Variants in SPTSSB observed in about 807,000 individuals in gnomAD.
SPTSSB encodes the protein serine palmitoyltransferase small subunit B.
Under a neutral mutation model 7.7 loss-of-function variants are expected in SPTSSB, and 6 were observed. The ratio of observed to expected loss-of-function variants is 0.78; its 90% CI spans 0.43 to 1.54. The LOEUF (loss-of-function observed/expected upper bound fraction) is 1.54. Ranked by LOEUF, SPTSSB falls within the 40% of genes most tolerant of loss-of-function variation. SPTSSB has a pLI of 0.01. For synonymous variants in SPTSSB, 28 were observed against 29.7 expected (o/e 0.94, Z 0.19); for missense variants, 91 against 93.0 (o/e 0.98, Z 0.09).
intron 2 of SPTSSB, among the ~76,000 whole-genome samples, chr3:161,355,644 C>A (rs1714738733): frequency 6.6e-6 from 1 of 152,116 alleles, no homozygotes; most frequent in South Asian, 2.1e-4. Context: ...TAGTCAAACC[C>A]TAGAAACAGA....
chr3:161,359,974 A>C (rs1714940873), intron 1 of SPTSSB, 80 bp from the exon 2 acceptor site: 1 of 171,646 alleles, frequency 5.8e-6, no homozygotes, highest in South Asian at 1.9e-4. Flanking sequence ...GTAAATGGTC[A>C]TTAAGCCATC....
intron 2 of SPTSSB, among the ~76,000 whole-genome samples, chr3:161,356,289 TA>T (rs1714766715): frequency 1.3e-5 from 2 of 152,252 alleles, no homozygotes; most frequent in Non-Finnish European, 2.9e-5. Context: ...ATGTTTTTTC[TA>T]AGGCCTTTGT....
intron 2 of SPTSSB, among the ~76,000 whole-genome samples, chr3:161,356,370 C>T (rs991689012): frequency 6.6e-6 from 1 of 152,120 alleles, no homozygotes; most frequent in Non-Finnish European, 1.5e-5. Flanking sequence ...ATTGTTATTA[C>T]ATTTTATGAA....
chr3:161,347,010 G>C (rs1279157693), intron 2 of SPTSSB, among the ~76,000 whole-genome samples: 3 of 152,122 alleles, frequency 2.0e-5, no homozygotes, highest in African/African-American at 7.2e-5. Context: ...TGCTGTGGTG[G>C]GTTTGAGAGG....
intron 2 of SPTSSB, among the ~76,000 whole-genome samples, chr3:161,357,166 G>A (rs761586664): frequency 6.6e-6 from 1 of 152,122 alleles, no homozygotes; most frequent in Non-Finnish European, 1.5e-5. Context: ...AGAGACAGAG[G>A]GGAGGTGAGA....
At chr3:161,349,493 AC>A (rs1714420379) in intron 2 of SPTSSB, among the ~76,000 whole-genome samples, 1 of 152,224 alleles carries the variant, frequency 6.6e-6, no homozygotes, top group South Asian at 2.1e-4. Flanking sequence ...TGAAATGCTT[AC>A]TTTATTCAGG....
At chr3:161,346,437 A>G (rs955992954) in intron 2 of SPTSSB, 82 bp from the exon 3 acceptor site, 2 of 659,814 alleles carry the variant, frequency 3.0e-6, no homozygotes, top group South Asian at 2.1e-5. Flanking sequence ...GCATGTTAAA[A>G]TCTTTCAAAG....
chr3:161,365,698 A>G (rs1214816404), intron 1 of SPTSSB, among the ~76,000 whole-genome samples: 1 of 152,172 alleles, frequency 6.6e-6, no homozygotes, highest in Non-Finnish European at 1.5e-5. Flanking sequence ...ACTTATTTCT[A>G]ACTTTATCTT....
intron 1 of SPTSSB, among the ~76,000 whole-genome samples, chr3:161,361,675 C>T (rs1404458746): frequency 6.6e-6 from 1 of 152,154 alleles, no homozygotes; most frequent in Non-Finnish European, 1.5e-5. Flanking sequence ...TTAGTAAAGG[C>T]TCAAAGATAG....
At chr3:161,349,564 G>T (rs1714423786) in intron 2 of SPTSSB, among the ~76,000 whole-genome samples, 1 of 152,130 alleles carries the variant, frequency 6.6e-6, no homozygotes, top group Non-Finnish European at 1.5e-5. Flanking sequence ...TTCGATATAT[G>T]GAAAAGAAGG....
At chr3:161,349,887 T>C (rs890290307) in intron 2 of SPTSSB, among the ~76,000 whole-genome samples, 97 of 152,328 alleles carry the variant, frequency 6.4e-4, no homozygotes, top group African/African-American at 2.2e-3. Context: ...CAACGGGTGG[T>C]GATTTCCCTC....
chr3:161,359,267 G>C (rs557075845), intron 2 of SPTSSB: 1 of 152,132 alleles, frequency 6.6e-6, no homozygotes, highest in Admixed American at 6.5e-5. Context: ...CTCTTAATTT[G>C]TCTGATCTGG....
At chr3:161,347,088 G>A (rs550264345) in intron 2 of SPTSSB, among the ~76,000 whole-genome samples, 2 of 152,258 alleles carry the variant, frequency 1.3e-5, no homozygotes, top group East Asian at 3.9e-4. Context: ...TGGAGCCCAA[G>A]TATTTCAGAA....
rs757468125 is a variant in SPTSSB at position 161,346,368 on chromosome 3, G to A, written c.-32-13C>T. The A allele has an allele frequency of 7.5e-7, 1 of 1,332,984 alleles. No individual in the cohort carries two copies. Among genetic ancestry groups the A allele is most frequent in the African/African-American group, 1.4e-5 (1 of 69,662 alleles). The allele number at this position is 1,332,984 out of a possible 1,614,324, so 82.6% of individuals were successfully genotyped here. On this transcript the variant is annotated splice_polypyrimidine_tract_variant and intron_variant, in intron 2 of 2. Coordinates refer to ENST00000620149, the MANE Select transcript of SPTSSB (RefSeq NM_001040100.2). ...CAGTAAGTTTGTCCTGTTAAAGAAT[G>A]TAACAGATTAGAGGATGAGGAACCA...
chr3:161,359,691 T>C lies in SPTSSB; in HGVS notation c.-33+111A>G, dbSNP rs911063236. 61 of 973,398 alleles carry C rather than the reference T, an allele frequency of 6.3e-5. No homozygotes were observed. In the African/African-American group the frequency reaches 9.5e-4, roughly 15 times the overall value. 60.3% of individuals were successfully genotyped at this position (973,398 alleles called of 1,614,324 possible). ...AATATAATATCTAGTGTATAATAAATGTTTGCTGGCTGCTTAGGAGAGAAC... is the reference window on the plus strand; with the variant it reads ...AATATAATATCTAGTGTATAATAAACGTTTGCTGGCTGCTTAGGAGAGAAC... On this transcript the variant is annotated intron_variant, in intron 2 of 2. Coordinates refer to ENST00000620149, the MANE Select transcript of SPTSSB (RefSeq NM_001040100.2).
At chr3:161,349,036 A>T (rs983604907) in intron 2 of SPTSSB, among the ~76,000 whole-genome samples, 1 of 152,112 alleles carries the variant, frequency 6.6e-6, no homozygotes, top group Non-Finnish European at 1.5e-5. Context: ...AAAGGAAAAA[A>T]CCACTTTAGA....
intron 1 of SPTSSB, among the ~76,000 whole-genome samples, chr3:161,361,549 A>C (rs190501974): frequency 6.6e-6 from 1 of 152,310 alleles, no homozygotes; most frequent in African/African-American, 2.4e-5. Context: ...GATATTGTTT[A>C]ACCTCTTTGA....
At chr3:161,366,519 G>A (rs146030782) in intron 1 of SPTSSB, among the ~76,000 whole-genome samples, 128 of 152,230 alleles carry the variant, frequency 8.4e-4, no homozygotes, top group African/African-American at 2.9e-3. Context: ...TCCTTTTGGC[G>A]AGTTACAGTG....
At chr3:161,363,182 T>G (rs1045320063) in intron 1 of SPTSSB, among the ~76,000 whole-genome samples, 1 of 151,768 alleles carries the variant, frequency 6.6e-6, no homozygotes, top group Non-Finnish European at 1.5e-5. Context: ...TGTAAACTTT[T>G]TAGGAAAAAC....
Sources: gnomAD v4.1 joint callset for allele counts (sites outside exome capture counted in the v4.1 genomes callset) on GRCh38, gnomAD v4.1.1 for gene constraint, MANE v1.5 for transcripts, NCBI Gene and HGNC (gene_info 2026-07-23, HGNC 2026-07-21) for gene names.